PRPF31: variants seen among roughly 807,000 people sequenced by gnomAD.
The protein encoded by PRPF31 is U4/U6 small nuclear ribonucleoprotein Prp31.
PRPF31 carries 12 observed loss-of-function variants against 60.4 expected under a neutral mutation model. That is an observed-to-expected ratio of 0.20 (90% confidence interval 0.13 to 0.32). The LOEUF (loss-of-function observed/expected upper bound fraction) is 0.32, where lower values mean the gene tolerates loss of function less well. Ranked by LOEUF, PRPF31 falls within the 10% of genes least tolerant of loss-of-function variation. PRPF31 has a pLI of 1.00. For missense variants in PRPF31, 431 were observed against 687.1 expected (o/e 0.63, Z 4.17); for synonymous variants, 287 against 287.9 (o/e 1.00, Z 0.03).
At chr19:54,122,002 C>G (rs1026717084) in intron 4 of PRPF31, 59 bp downstream of exon 4, 17 of 1,517,428 alleles carry the variant, frequency 1.1e-5, no homozygotes, top group Middle Eastern at 1.7e-4. Context: ...GCCCCCTCTC[C>G]CTTCCCCACT....
intron 7 of PRPF31, chr19:54,124,235 C>T (rs2073864463): frequency 4.7e-6 from 3 of 641,020 alleles, no homozygotes; most frequent in Admixed American, 2.9e-5. Context: ...GTTAGTGTGG[C>T]TTAGCACAAA....
intron 3 of PRPF31, chr19:54,119,919 TGGGCACCCA>T (rs1356666805): frequency 6.6e-6 from 1 of 152,220 alleles, no homozygotes; most frequent in Non-Finnish European, 1.5e-5. Context: ...AACGTTTACC[TGGGCACCCA>T]GTTGAATCGC....
At position 54,129,384 on chromosome 19, in the gene PRPF31, G is replaced by T; in HGVS notation, c.1374+14G>T. The T allele has an allele frequency of 6.3e-7, 1 of 1,579,374 alleles. No individual in the cohort carries two copies. The highest frequency in any genetic ancestry group is 1.7e-4 in the Middle Eastern group (1 of 5,978). On this transcript the variant is annotated intron_variant, in intron 13 of 13. Coordinates refer to ENST00000321030, the MANE Select transcript of PRPF31 (RefSeq NM_015629.4). The stretch of plus-strand genomic sequence containing the variant: ...ACCCCACTCCAGGTACCTCCCCTGG[G>T]CCGGCTCTGTCCCCAGCCCTGAGAC...
rs753114816 is a variant in PRPF31, at chr19:54,124,461, T to A, written c.698-38T>A. 6 of 1,548,844 alleles carry A rather than the reference T, an allele frequency of 3.9e-6. No individual in the cohort carries two copies. The Admixed American group carries it at 1.0e-4, about 26-fold the overall frequency. Reference sequence around the variant, plus strand: ...ACTCACCCCCACCTCTCTGCTTTCTTCTGACCGCCCCCCCTTCCTCCCTCC... The same window carrying A: ...ACTCACCCCCACCTCTCTGCTTTCTACTGACCGCCCCCCCTTCCTCCCTCC... On this transcript the variant is annotated intron_variant, in intron 7 of 13. Coordinates refer to ENST00000321030, the MANE Select transcript of PRPF31 (RefSeq NM_015629.4).
chr19:54,123,230 G>A lies in PRPF31; in HGVS notation c.421-224G>A, dbSNP rs184262395. 3.9e-4 allele frequency: 238 copies of A among 609,692 alleles called. 1 individual carries two copies. Among genetic ancestry groups the A allele is most frequent in the African/African-American group, 3.9e-3 (212 of 54,366 alleles). 37.8% of individuals were successfully genotyped at this position (609,692 alleles called of 1,614,324 possible). A position where few individuals can be genotyped will look rare whatever the true frequency, so the allele number is the denominator to read the frequency against. On this transcript the variant is annotated intron_variant, in intron 5 of 13. Coordinates refer to ENST00000321030, the MANE Select transcript of PRPF31 (RefSeq NM_015629.4). Reference sequence around the variant, plus strand: ...CCAGACGCCACTCTGCCCGGGCTCCGTTTCCAGGTCAGCGAAAGCAGGGCA... The same window carrying A: ...CCAGACGCCACTCTGCCCGGGCTCCATTTCCAGGTCAGCGAAAGCAGGGCA...
rs1406386099 is a variant in PRPF31, at chr19:54,129,115, C to T, written c.1205C>T (p.Ser402Leu). Reference protein sequence around the residue: ...LGFSLGHLGKSGSGRVRQTQV... With the variant: ...LGFSLGHLGKLGSGRVRQTQV... ...TTCAGCCTGGGCCACCTGGGCAAGT[C>T]GGGCAGTGGGCGTGTGCGGCAGACA... Residue 402 changes from serine to leucine, a missense_variant, in exon 12 of 14, where the codon TCG (serine) becomes TTG (leucine). Ser to Leu is a moderately radical substitution (Grantham distance 145). Around this residue, in one of 4 missense-constraint regions of PRPF31, gnomAD observed 314 missense variants for 475.3 expected, o/e 0.66. Coordinates refer to ENST00000321030, the MANE Select transcript of PRPF31 (RefSeq NM_015629.4). 19 of 1,582,472 alleles carry T rather than the reference C, an allele frequency of 1.2e-5. No homozygotes were observed. The highest frequency in any genetic ancestry group is 4.0e-5 in the African/African-American group (3 of 74,640).
In PRPF31 at chr19:54,129,334, G is replaced by T; in HGVS notation, c.1338G>T (p.Ser446=). The T allele has an allele frequency of 6.2e-7, 1 of 1,604,434 alleles. No homozygotes were observed. The change falls in exon 13 of 14, where the codon TCG becomes TCT. Residue 446 remains serine (S), a synonymous_variant. Coordinates refer to ENST00000321030, the MANE Select transcript of PRPF31 (RefSeq NM_015629.4). ...GGKSTIRDRS[S]GTASSVAFTP... is the part of the protein sequence containing the mutation. The stretch of plus-strand genomic sequence containing the variant: ...AGTCCACCATCCGCGACCGCTCCTC[G>T]GGCACGGCCTCCAGCGTGGCCTTCA...
chr19:54,130,706 C>T (rs587604514), intron 13 of PRPF31, among the ~76,000 whole-genome samples: 6 of 152,124 alleles, frequency 3.9e-5, no homozygotes, highest in East Asian at 1.9e-4. Context: ...GCTCTCGTTT[C>T]GGAGCAGCCA....
chr19:54,125,024 A>G (rs587744048), intron 8 of PRPF31: 2 of 394,002 alleles, frequency 5.1e-6, no homozygotes, highest in East Asian at 1.1e-4. Context: ...GACCACCCTC[A>G]GGTTTGACCA....
At chr19:54,125,830 G>T (rs942302173) in intron 8 of PRPF31, among the ~76,000 whole-genome samples, 1 of 152,224 alleles carries the variant, frequency 6.6e-6, no homozygotes, top group Non-Finnish European at 1.5e-5. Context: ...GTGGGCCTGG[G>T]GCTCGGGGCT....
intron 11 of PRPF31, 135 bp from the exon 12 acceptor site, chr19:54,128,922 G>A: frequency 1.1e-6 from 1 of 917,444 alleles, no homozygotes; most frequent in Non-Finnish European, 1.7e-6. Flanking sequence ...GCCGGGCCGA[G>A]TGGGTACCGG....
chr19:54,122,726 C>T (rs1568588102), intron 5 of PRPF31, 132 bp downstream of exon 5: 2 of 792,242 alleles, frequency 2.5e-6, no homozygotes, highest in Non-Finnish European at 4.4e-6. Flanking sequence ...GTGGTCTGCT[C>T]TGCCCAGCGT....
At chr19:54,119,007 G>T (rs957020786) in intron 3 of PRPF31, among the ~76,000 whole-genome samples, 7 of 152,058 alleles carry the variant, frequency 4.6e-5, no homozygotes, top group Admixed American at 4.6e-4. Flanking sequence ...TGAGAAGGAA[G>T]CAAATTGCTA....
intron 9 of PRPF31, 68 bp from the exon 10 acceptor site, chr19:54,128,005 C>T (rs1286587576): frequency 9.1e-6 from 14 of 1,546,790 alleles, no homozygotes; most frequent in Non-Finnish European, 1.1e-5. Flanking sequence ...TCGGGGGGCC[C>T]GCTCAGAGGA....
Position 54,123,816 on chromosome 19 carries a change from G to A in PRPF31, c.595G>A (p.Ala199Thr), listed in dbSNP as rs142874574. The stretch of plus-strand genomic sequence containing the variant: ...CTGCGACATGGCGCTGGAGCTGAAC[G>A]CCTCCAAGCACCGCATCTACGAGTA... Reference protein sequence around the residue: ...EACDMALELNASKHRIYEYVE... With the variant: ...EACDMALELNTSKHRIYEYVE... Residue 199 changes from alanine to threonine, a missense_variant, in exon 7 of 14, where the codon GCC becomes ACC. Around this residue, in one of 4 missense-constraint regions of PRPF31, gnomAD observed 314 missense variants for 475.3 expected, o/e 0.66. Transcript: ENST00000321030. 1.9e-5 allele frequency: 31 copies of A among 1,613,370 alleles called. No individual in the cohort carries two copies. The African/African-American group carries it at 3.1e-4, about 16-fold the overall frequency.
intron 9 of PRPF31, among the ~76,000 whole-genome samples, chr19:54,127,301 C>T (rs1204383859): frequency 4.6e-5 from 7 of 152,114 alleles, no homozygotes; most frequent in Admixed American, 1.3e-4. Flanking sequence ...CCCCTTAGCT[C>T]GTGGCCCTCC....
At chr19:54,120,210 G>C (rs1232906051) in intron 3 of PRPF31, 1 of 152,270 alleles carries the variant, frequency 6.6e-6, no homozygotes, top group Non-Finnish European at 1.5e-5. Flanking sequence ...CAGAGTTCCA[G>C]ATGCCAGGCC....
At chr19:54,123,144 G>A (rs1429562431) in intron 5 of PRPF31, 6 of 544,476 alleles carry the variant, frequency 1.1e-5, no homozygotes, top group South Asian at 4.1e-5. Context: ...GCAGGGAAGC[G>A]AGGCCGCGGA....
chr19:54,127,281 G>A (rs983295192), intron 9 of PRPF31, among the ~76,000 whole-genome samples: 20 of 152,226 alleles, frequency 1.3e-4, no homozygotes, highest in Non-Finnish European at 2.5e-4. Flanking sequence ...GCTTCTAGGG[G>A]TCACTGGCAC....
Sources: gnomAD v4.1 joint callset for allele counts (sites outside exome capture counted in the v4.1 genomes callset) on GRCh38, gnomAD v4.1.1 for gene constraint, gnomAD v4.1.1 regional missense constraint, MANE v1.5 for transcripts, NCBI Gene and HGNC (gene_info 2026-07-23, HGNC 2026-07-21) for gene names.